Variants in CLSTN1 observed in about 807,000 individuals in gnomAD.
CLSTN1 encodes calsyntenin-1.
A neutral mutation model predicts 108.3 loss-of-function variants in CLSTN1; 28 were observed. That is an observed-to-expected ratio of 0.26 (90% CI 0.19 to 0.35). The LOEUF (loss-of-function observed/expected upper bound fraction) is 0.35. CLSTN1 is among the 10% of genes least tolerant of loss of function. The pLI, the probability that CLSTN1 is intolerant of heterozygous loss-of-function variation, is 1.00. For missense variants in CLSTN1, 1,157 were observed against 1,302.6 expected (o/e 0.89, Z 1.72); for synonymous variants, 524 against 534.9 (o/e 0.98, Z 0.28).
intron 1 of CLSTN1, among the ~76,000 whole-genome samples, chr1:9,789,074 T>C (rs1653639666): frequency 6.6e-6 from 1 of 151,468 alleles, no homozygotes; most frequent in Non-Finnish European, 1.5e-5. Context: ...ATCCATTCCC[T>C]GGTTAACAGA....
At chr1:9,774,074 G>A (rs1451057592) in intron 1 of CLSTN1, among the ~76,000 whole-genome samples, 1 of 151,684 alleles carries the variant, frequency 6.6e-6, no homozygotes, top group Non-Finnish European at 1.5e-5. Context: ...TTTTTTCTCT[G>A]TTGCCAAGGC....
chr1:9,750,135 G>A (rs1651483710), intron 5 of CLSTN1: 2 of 481,874 alleles, frequency 4.2e-6, no homozygotes, highest in Non-Finnish European at 7.4e-6. Context: ...GAGCTACACA[G>A]CTCAGTCTCC....
At chr1:9,749,318 G>T in intron 7 of CLSTN1, 143 bp downstream of exon 7, 1 of 861,670 alleles carries the variant, frequency 1.2e-6, no homozygotes, top group Non-Finnish European at 1.7e-6. Flanking sequence ...TAGCCAGCAA[G>T]GCAGCAAAGT....
intron 10 of CLSTN1, among the ~76,000 whole-genome samples, chr1:9,737,913 A>G (rs1009552668): frequency 1.3e-5 from 2 of 152,200 alleles, no homozygotes; most frequent in Admixed American, 1.3e-4. Flanking sequence ...CTGGGCTGCA[A>G]TGCTGCTCCC....
intron 1 of CLSTN1, among the ~76,000 whole-genome samples, chr1:9,806,606 G>A (rs531421515): frequency 3.3e-5 from 5 of 152,254 alleles, no homozygotes; most frequent in South Asian, 2.1e-4. Flanking sequence ...GAGGCCGGGC[G>A]CGGTGGCTCA....
intron 1 of CLSTN1, among the ~76,000 whole-genome samples, chr1:9,807,876 G>A (rs1285822572): frequency 2.6e-5 from 4 of 152,204 alleles, no homozygotes; most frequent in Non-Finnish European, 5.9e-5. Context: ...CGGTCACCTA[G>A]GACCCCAGGA....
intron 1 of CLSTN1, among the ~76,000 whole-genome samples, chr1:9,800,900 T>C (rs1031594162): frequency 9.3e-5 from 14 of 151,214 alleles, no homozygotes; most frequent in African/African-American, 2.7e-4. Context: ...GATTGCACCA[T>C]TGCACTCCAG....
In CLSTN1 at chr1:9,735,134, C is replaced by A; in HGVS notation, c.1924G>T (p.Asp642Tyr). ...GGCTGTAAAACCATCACGTAGCCAT[C>A]TACCGGGGGGACCGAAATGCAGGTG... ...EATCISVPPVDGYVMVLQPEE... is the reference protein window; with the variant it reads ...EATCISVPPVYGYVMVLQPEE... The change falls in exon 14 of 19, where the codon GAT becomes TAT. Residue 642 changes from aspartate (D) to tyrosine (Y), a missense_variant. By Grantham distance (160) the Asp-to-Tyr change is radical. Transcript: ENST00000377298. 6.2e-7 allele frequency: 1 copy of A among 1,614,220 alleles called. No homozygotes were observed. The highest frequency in any genetic ancestry group is 8.5e-7 in the Non-Finnish European group (1 of 1,180,038).
intron 1 of CLSTN1, among the ~76,000 whole-genome samples, chr1:9,804,707 ATG>A (rs1654432865): frequency 6.6e-6 from 1 of 152,046 alleles, no homozygotes. Context: ...TCAGGCAGGC[ATG>A]TAGTCCCAGC....
intron 1 of CLSTN1, among the ~76,000 whole-genome samples, chr1:9,816,294 C>T (rs1311955282): frequency 6.6e-6 from 1 of 151,930 alleles, no homozygotes; most frequent in African/African-American, 2.4e-5. Flanking sequence ...GTGAAATGTC[C>T]AAAATAAGCA....
At chr1:9,754,024 C>T (rs1651690404) in intron 4 of CLSTN1, among the ~76,000 whole-genome samples, 1 of 152,008 alleles carries the variant, frequency 6.6e-6, no homozygotes, top group South Asian at 2.1e-4. Flanking sequence ...CTAGGCTGCT[C>T]TCAAACTCCT....
rs1328761814 is a variant in CLSTN1 at position 9,756,387 on chromosome 1, G to A, written c.244+94C>T. On this transcript the variant is annotated intron_variant, in intron 3 of 18. Transcript: ENST00000377298. ...AGAATAAATAAGGATAAAAGAGCAT[G>A]ACAGTTTCTCCTGTTTAAGGGCTGA... 4.5e-5 allele frequency: 43 copies of A among 948,032 alleles called. No homozygotes were observed. The Admixed American group carries it at 8.6e-4, about 19-fold the overall frequency. The allele number at this position is 948,032 out of a possible 1,614,324, so 58.7% of individuals were successfully genotyped here.
chr1:9,737,124 C>T (rs940669144), intron 11 of CLSTN1, among the ~76,000 whole-genome samples: 1 of 152,030 alleles, frequency 6.6e-6, no homozygotes, highest in African/African-American at 2.4e-5. Flanking sequence ...TCAATCAGGA[C>T]AGAATATCTA....
rs72633874 is a variant in CLSTN1 at position 9,730,602 on chromosome 1, T to C, written c.2852A>G (p.Glu951Gly). ...EEDDITSAES[E>G]SSEEEEGEQG... Reference sequence around the variant, plus strand: ...CTCCCCCTCCTCCTCCTCGCTGCTCTCCGACTCGGCGCTGGTGATGTCATC... The same window carrying C: ...CTCCCCCTCCTCCTCCTCGCTGCTCCCCGACTCGGCGCTGGTGATGTCATC... Residue 951 changes from glutamate (E) to glycine (G), a missense_variant, in exon 19 of 19, where the codon GAG becomes GGG. Glu to Gly is a moderately conservative substitution (Grantham distance 98). Coordinates refer to ENST00000377298, the MANE Select transcript of CLSTN1 (RefSeq NM_001009566.3). This position sits in a 1 kb window ranked among gnomAD's most constrained non-coding sequence, Gnocchi z 5.6. 78 of 1,610,200 alleles carry C rather than the reference T, an allele frequency of 4.8e-5. No individual in the cohort carries two copies. Among genetic ancestry groups the C allele is most frequent in the Non-Finnish European group, 6.5e-5 (77 of 1,179,870 alleles).
At chr1:9,794,421 G>A (rs1291246527) in intron 1 of CLSTN1, among the ~76,000 whole-genome samples, 1 of 151,378 alleles carries the variant, frequency 6.6e-6, no homozygotes, top group Non-Finnish European at 1.5e-5. Flanking sequence ...CAGTTCTCCT[G>A]CCTCAACCTC....
intron 1 of CLSTN1, among the ~76,000 whole-genome samples, chr1:9,809,294 C>T (rs1379547917): frequency 6.6e-6 from 1 of 152,194 alleles, no homozygotes; most frequent in Non-Finnish European, 1.5e-5. Context: ...TGCGGATCTG[C>T]CTTACTCGCC....
intron 9 of CLSTN1, among the ~76,000 whole-genome samples, chr1:9,743,676 T>G (rs574753210): frequency 2.0e-5 from 3 of 151,648 alleles, no homozygotes; most frequent in Admixed American, 6.6e-5. Context: ...GCTCCCCAAG[T>G]AGCCAGGACT....
chr1:9,751,640 G>A lies in CLSTN1; in HGVS notation c.482C>T (p.Ala161Val), dbSNP rs148669446. Reference protein sequence around the residue: ...HIQVNDVNEYAPVFKEKSYKA... With the variant: ...HIQVNDVNEYVPVFKEKSYKA... ...GTAGGACTTCTCCTTGAACACGGGC[G>A]CGTACTCATTCACGTCGTTCACCTG... The change falls in exon 5 of 19, where the codon GCG (alanine) becomes GTG (valine). Residue 161 changes from alanine to valine, a missense_variant. Physicochemically the swap from Ala to Val is moderately conservative, Grantham distance 64 (BLOSUM62 0). Transcript: ENST00000377298. 13 of 1,614,128 alleles carry A rather than the reference G, an allele frequency of 8.1e-6. No homozygotes were observed. The highest frequency in any genetic ancestry group is 3.3e-5 in the South Asian group (3 of 91,078).
chr1:9,733,292 C>A, intron 16 of CLSTN1, 109 bp downstream of exon 16: 1 of 1,359,526 alleles, frequency 7.4e-7, no homozygotes, highest in Non-Finnish European at 1.0e-6. Context: ...GCCTGTATAG[C>A]TGCCATCATG....
Sources: gnomAD v4.1 joint callset for allele counts (sites outside exome capture counted in the v4.1 genomes callset) on GRCh38, gnomAD v4.1.1 for gene constraint, Gnocchi (gnomAD v3.1) non-coding constraint, MANE v1.5 for transcripts, NCBI Gene and HGNC (gene_info 2026-07-23, HGNC 2026-07-21) for gene names.